SLC38A6: variants seen among roughly 807,000 people sequenced by gnomAD.
The protein encoded by SLC38A6 is N system amino acid transporter NAT-1.
In SLC38A6, 73 loss-of-function variants were observed where a neutral mutation model predicts 65.0. The observed-to-expected ratio is 1.12, with a 90% confidence interval of 0.93 to 1.37. The LOEUF (loss-of-function observed/expected upper bound fraction) is 1.37, where lower values mean the gene tolerates loss of function less well. SLC38A6 is among the 40% of genes most tolerant of loss of function. SLC38A6 has a pLI of 0.00. For synonymous variants in SLC38A6, 183 were observed against 178.8 expected, an observed-to-expected ratio of 1.02 and a Z score of -0.19; for missense variants, 561 against 531.1, an observed-to-expected ratio of 1.06 and a Z score of -0.55.
At position 60,995,117 on chromosome 14, in the gene SLC38A6, CCT is replaced by C. The variant is rs2038194096; in HGVS notation, c.310+10317_310+10318del. Among the ~76,000 whole-genome samples, 11 of 152,008 alleles carry C rather than the reference CCT, an allele frequency of 7.2e-5. No homozygotes were observed. In the South Asian group the frequency reaches 2.3e-3, roughly 31 times the overall value. On this transcript the variant is annotated intron_variant, in intron 3 of 15. Transcript: ENST00000267488. ...AAAGAAACCATGTGATCCAGCAATT[CCT>C]CTTCTGGGTTTATACCCAAAGGAAA...
At chr14:61,021,462 G>A (rs994226388) in intron 5 of SLC38A6, among the ~76,000 whole-genome samples, 6 of 152,154 alleles carry the variant, frequency 3.9e-5, no homozygotes, top group Non-Finnish European at 8.8e-5. Context: ...TTGTAACTAA[G>A]CTGTGTGATA....
intron 3 of SLC38A6, chr14:61,004,449 A>G (rs2038935555): frequency 6.6e-6 from 1 of 151,960 alleles, no homozygotes. Flanking sequence ...TTTCTTAAGA[A>G]AGAACGGAAA....
intron 13 of SLC38A6, among the ~76,000 whole-genome samples, chr14:61,050,911 A>G (rs1483716687): frequency 6.6e-6 from 1 of 152,134 alleles, no homozygotes; most frequent in Non-Finnish European, 1.5e-5. Flanking sequence ...AGTTCTTCTA[A>G]AGTTTTGGGT....
At chr14:60,994,704 CAAAA>C (rs113876678) in intron 3 of SLC38A6, among the ~76,000 whole-genome samples, 1 of 93,066 alleles carries the variant, frequency 1.1e-5, no homozygotes, top group Non-Finnish European at 2.3e-5. Context: ...AACCTCGTCT[CAAAA>C]AAAAAAAAAA....
chr14:61,023,297 G>T (rs1274381658), intron 5 of SLC38A6, among the ~76,000 whole-genome samples: 1 of 152,164 alleles, frequency 6.6e-6, no homozygotes, highest in East Asian at 1.9e-4. Context: ...TAGGCTGGGT[G>T]TGGAGGCCCA....
intron 3 of SLC38A6, among the ~76,000 whole-genome samples, chr14:60,995,427 T>C (rs999959594): frequency 1.3e-5 from 2 of 152,276 alleles, no homozygotes; most frequent in East Asian, 3.9e-4. Flanking sequence ...CAAATACATA[T>C]GAACAGAGTA....
At chr14:61,006,780 C>G (rs1159325757) in intron 3 of SLC38A6, among the ~76,000 whole-genome samples, 1 of 152,132 alleles carries the variant, frequency 6.6e-6, no homozygotes, top group African/African-American at 2.4e-5. Flanking sequence ...CCTCAGGGAT[C>G]TAGAACTAGA....
chr14:61,014,105 ACTTCT>A (rs2039805690), intron 3 of SLC38A6, among the ~76,000 whole-genome samples: 2 of 151,712 alleles, frequency 1.3e-5, no homozygotes, highest in East Asian at 1.9e-4. Flanking sequence ...TTTTCTCTAA[ACTTCT>A]CTTCTCGCTT....
chr14:61,004,168 C>G (rs575313043), intron 3 of SLC38A6, among the ~76,000 whole-genome samples: 5 of 152,214 alleles, frequency 3.3e-5, no homozygotes, highest in Non-Finnish European at 7.4e-5. Flanking sequence ...AATTGAAAGA[C>G]CAATTCTTTT....
At chr14:61,015,075 G>A (rs1304565014) in intron 3 of SLC38A6, among the ~76,000 whole-genome samples, 4 of 152,152 alleles carry the variant, frequency 2.6e-5, no homozygotes, top group Admixed American at 6.5e-5. Flanking sequence ...TTGAAGCCTC[G>A]GCAATGGCAG....
intron 6 of SLC38A6, chr14:61,034,191 T>A (rs909603154): frequency 3.9e-5 from 6 of 152,294 alleles, no homozygotes; most frequent in Admixed American, 1.3e-4. Flanking sequence ...AATTGTGATC[T>A]GAAATAGTAT....
At chr14:61,020,258 AAT>A (rs1045772418) in intron 5 of SLC38A6, among the ~76,000 whole-genome samples, 4 of 152,080 alleles carry the variant, frequency 2.6e-5, no homozygotes, top group South Asian at 2.1e-4. Flanking sequence ...AGTGCTGAAC[AAT>A]ATCTTCGTTT....
intron 2 of SLC38A6, 140 bp downstream of exon 2, chr14:60,982,778 C>T: frequency 1.0e-6 from 1 of 973,380 alleles, no homozygotes; most frequent in East Asian, 2.7e-5. Flanking sequence ...TCTTGTTATT[C>T]TTGTTGCTAG....
intron 3 of SLC38A6, among the ~76,000 whole-genome samples, chr14:61,006,933 A>G (rs1477961533): frequency 6.6e-6 from 1 of 152,250 alleles, no homozygotes; most frequent in African/African-American, 2.4e-5. Context: ...CAAATGTCCA[A>G]CAATGATAGA....
rs370991564 is a variant in SLC38A6 at position 61,030,492 on chromosome 14, A to G, written c.451A>G (p.Ile151Val). ...LIIKTELPAAIAEFLTGDYSR... is the reference protein window; with the variant it reads ...LIIKTELPAAVAEFLTGDYSR... The stretch of plus-strand genomic sequence containing the variant: ...TATTAAAACAGAGCTTCCTGCTGCT[A>G]TTGCAGAATTTTTGACTGGAGACTA... Residue 151 changes from isoleucine (I) to valine (V), a missense_variant, in exon 6 of 16, where the codon ATT (isoleucine) becomes GTT (valine). Transcript: ENST00000267488. The G allele has an allele frequency of 2.0e-5, 32 of 1,611,244 alleles. No homozygotes were observed. Among genetic ancestry groups the G allele is most frequent in the Non-Finnish European group, 2.5e-6 (3 of 1,178,688 alleles).
chr14:61,069,768 G>A (rs941256724), intron 15 of SLC38A6, among the ~76,000 whole-genome samples: 2 of 152,048 alleles, frequency 1.3e-5, no homozygotes, highest in African/African-American at 4.8e-5. Flanking sequence ...GTTTTTGAGT[G>A]GGTAATGTGC....
chr14:60,981,587 A>G, intron 1 of SLC38A6: 1 of 1,512,024 alleles, frequency 6.6e-7, no homozygotes, highest in Non-Finnish European at 8.8e-7. Flanking sequence ...AGCATACTCT[A>G]GAAAGAAAAG....
intron 3 of SLC38A6, among the ~76,000 whole-genome samples, chr14:61,003,176 C>T (rs2038826651): frequency 6.6e-6 from 1 of 151,906 alleles, no homozygotes; most frequent in Admixed American, 6.6e-5. Flanking sequence ...AATTCTACCA[C>T]TTGTATTATA....
chr14:60,989,768 C>G (rs1000587016), intron 3 of SLC38A6, among the ~76,000 whole-genome samples: 2 of 152,142 alleles, frequency 1.3e-5, no homozygotes, highest in Non-Finnish European at 2.9e-5. Context: ...TCCAGTTCCT[C>G]TCCTCCCACT....
Sources: allele counts gnomAD v4.1 joint callset (sites outside exome capture counted in the v4.1 genomes callset), GRCh38; gene constraint gnomAD v4.1.1; transcripts MANE v1.5; gene names NCBI Gene and HGNC (gene_info 2026-07-23, HGNC 2026-07-21).